Variants in TSHZ3 observed in about 807,000 individuals in gnomAD.
TSHZ3 encodes teashirt zinc finger homeobox 3.
A neutral mutation model predicts 64.5 loss-of-function variants in TSHZ3; 10 were observed. The observed-to-expected ratio is 0.16, with a 90% CI of 0.10 to 0.26. TSHZ3 has a LOEUF of 0.26. Among genes scored for constraint, TSHZ3 ranks in the 10% least tolerant of loss-of-function variants. The probability of loss-of-function intolerance (pLI) is 1.00; values close to 1 mark genes in which losing one functional copy is unlikely to be tolerated. For synonymous variants in TSHZ3, 608 were observed against 593.1 expected (o/e 1.03, Z -0.36); for missense variants, 1,242 against 1,421.7 (o/e 0.87, Z 2.03).
In TSHZ3 at chr19:31,279,514, G is replaced by A. The variant is rs1976323182; in HGVS notation, c.279C>T (p.Ile93=). The change falls in exon 2 of 2, where the codon ATC becomes ATT. Residue 93 remains isoleucine, a synonymous_variant. Transcript: ENST00000240587. This position sits in a 1 kb window ranked among gnomAD's most constrained non-coding sequence, Gnocchi z 6.4. ...CCTCCTTGGTCTCCTCTTCGTTCTT[G>A]ATGGAGCCGCTTTCAAAGTCAGCCA... is the stretch of plus-strand genomic sequence containing the variant. ...DRMADFESGS[I]KNEEETKEVT... is the part of the protein sequence containing the mutation. 2.5e-6 allele frequency: 4 copies of A among 1,612,932 alleles called. No homozygotes were observed. Among genetic ancestry groups the A allele is most frequent in the Non-Finnish European group, 3.4e-6 (4 of 1,179,032 alleles).
chr19:31,343,812 CA>C (rs1917504267), intron 1 of TSHZ3, among the ~76,000 whole-genome samples: 1 of 147,940 alleles, frequency 6.8e-6, no homozygotes, highest in African/African-American at 2.5e-5. Flanking sequence ...AATCCAGAAA[CA>C]GGGGAAAAAT....
Position 31,152,691 on chromosome 19 carries a change from G to GA in TSHZ3, n.872-948dup, listed in dbSNP as rs141350800. Among the ~76,000 whole-genome samples, 702 of 152,244 alleles carry GA rather than the reference G, an allele frequency of 4.6e-3. 7 individuals carry two copies. Among genetic ancestry groups the GA allele is most frequent in the African/African-American group, 0.014 (601 of 41,540 alleles). ...GAACCTTCACGATTATCCTGTCATG[G>GA]AAAAATGCAGAATTTAACCATGTCC... On this transcript the variant is annotated intron_variant and non_coding_transcript_variant, in intron 6 of 6. Coordinates refer to the TSHZ3 transcript ENST00000651361.
At chr19:31,271,659 CTG>C (rs1041323427), downstream of TSHZ3, among the ~76,000 whole-genome samples, 3 of 152,166 alleles carry the variant, frequency 2.0e-5, no homozygotes, top group African/African-American at 4.8e-5. Context: ...AGCACCTTTT[CTG>C]TGTTTTCTGA....
At chr19:31,257,911 C>T (rs933697601) in intron 1 of TSHZ3, among the ~76,000 whole-genome samples, 6 of 152,138 alleles carry the variant, frequency 3.9e-5, no homozygotes, top group South Asian at 2.1e-4. Context: ...GGGTCTTTGC[C>T]GAGGGCTAGA....
At chr19:31,288,432 C>T (rs546640319) in intron 1 of TSHZ3, among the ~76,000 whole-genome samples, 2 of 152,320 alleles carry the variant, frequency 1.3e-5, no homozygotes, top group South Asian at 2.1e-4. Flanking sequence ...GCCTTCTTCA[C>T]ACTTGGGCCC....
intron 5 of TSHZ3, among the ~76,000 whole-genome samples, chr19:31,164,927 C>G (rs1451022523): frequency 6.6e-6 from 1 of 152,192 alleles, no homozygotes; most frequent in Non-Finnish European, 1.5e-5. Context: ...CAGGGGAGAC[C>G]CCAGAGAGCA....
intron 1 of TSHZ3, among the ~76,000 whole-genome samples, chr19:31,245,191 G>A (rs1266796084): frequency 1.3e-5 from 2 of 152,100 alleles, no homozygotes; most frequent in Non-Finnish European, 2.9e-5. Flanking sequence ...ACGAAAAAAT[G>A]TTGGAGTTAA....
chr19:31,336,527 T>C (rs1461987599), intron 1 of TSHZ3, among the ~76,000 whole-genome samples: 1 of 152,168 alleles, frequency 6.6e-6, no homozygotes, highest in East Asian at 1.9e-4. Flanking sequence ...GTGGACCTCA[T>C]GGAATGTCTT....
chr19:31,196,562 T>G (rs993076257), intron 5 of TSHZ3, among the ~76,000 whole-genome samples: 3 of 151,978 alleles, frequency 2.0e-5, no homozygotes, highest in East Asian at 1.9e-4. Context: ...AATCCAACTA[T>G]AGGTTTTCTA....
chr19:31,174,417 A>G (rs1051704220), intron 5 of TSHZ3, among the ~76,000 whole-genome samples: 2 of 152,158 alleles, frequency 1.3e-5, no homozygotes, highest in African/African-American at 2.4e-5. Flanking sequence ...CCCACCTCAC[A>G]TTGTGGAGGG....
At chr19:31,266,357 G>C (rs533275520) in intron 1 of TSHZ3, among the ~76,000 whole-genome samples, 2 of 152,248 alleles carry the variant, frequency 1.3e-5, no homozygotes, top group East Asian at 3.9e-4. Context: ...CCAGCTACTA[G>C]GGAGGGTGAG....
intron 3 of TSHZ3, among the ~76,000 whole-genome samples, chr19:31,229,401 T>C (rs1975511117): frequency 6.6e-6 from 1 of 152,142 alleles, no homozygotes; most frequent in Non-Finnish European, 1.5e-5. Context: ...GGAGAGCTTT[T>C]TCAAGTCTCT....
chr19:31,338,871 C>T (rs1917340544), intron 1 of TSHZ3, among the ~76,000 whole-genome samples: 1 of 149,172 alleles, frequency 6.7e-6, no homozygotes, highest in Non-Finnish European at 1.5e-5. Flanking sequence ...GGGGAGTCTT[C>T]TGTATTGCAC....
At chr19:31,345,044 G>A (rs535566214) in intron 1 of TSHZ3, among the ~76,000 whole-genome samples, 1 of 152,252 alleles carries the variant, frequency 6.6e-6, no homozygotes, top group African/African-American at 2.4e-5. Context: ...AAGATAATGG[G>A]GGCACCGCAG....
intron 4 of TSHZ3, among the ~76,000 whole-genome samples, chr19:31,215,960 A>T (rs1975321981): frequency 6.6e-6 from 1 of 150,878 alleles, no homozygotes; most frequent in South Asian, 2.1e-4. Flanking sequence ...AAATTAAATT[A>T]AATTTATTAT....
chr19:31,153,366 T>G (rs1404630686), intron 6 of TSHZ3, among the ~76,000 whole-genome samples: 1 of 152,216 alleles, frequency 6.6e-6, no homozygotes, highest in African/African-American at 2.4e-5. Flanking sequence ...TGTGTAAAAT[T>G]AATTCCCTCT....
At chr19:31,210,144 C>A (rs1975244527) in intron 4 of TSHZ3, among the ~76,000 whole-genome samples, 1 of 152,032 alleles carries the variant, frequency 6.6e-6, no homozygotes. Context: ...TATTCCAAGC[C>A]AGGCAAATGA....
At chr19:31,207,084 C>T (rs994261629) in intron 4 of TSHZ3, among the ~76,000 whole-genome samples, 5 of 152,118 alleles carry the variant, frequency 3.3e-5, no homozygotes, top group African/African-American at 1.2e-4. Context: ...AACCTGCAAA[C>T]ATAAACCTGG....
intron 1 of TSHZ3, among the ~76,000 whole-genome samples, chr19:31,303,885 G>A (rs1976797542): frequency 6.6e-6 from 1 of 152,132 alleles, no homozygotes; most frequent in African/African-American, 2.4e-5. Flanking sequence ...CATGGATCCT[G>A]ACTAGGGCCA....
Sources: gnomAD v4.1 joint callset for allele counts (sites outside exome capture counted in the v4.1 genomes callset) on GRCh38, gnomAD v4.1.1 for gene constraint, Gnocchi (gnomAD v3.1) non-coding constraint, MANE v1.5 for transcripts, NCBI Gene and HGNC (gene_info 2026-07-23, HGNC 2026-07-21) for gene names.